LYRM4: variants seen among roughly 807,000 people sequenced by gnomAD.
LYRM4 encodes LYR motif containing 4.
Under a neutral mutation model 11.7 loss-of-function variants are expected in LYRM4, and 9 were observed. The ratio of observed to expected loss-of-function variants is 0.77; its 90% CI spans 0.46 to 1.34. LYRM4 has a LOEUF of 1.34. LYRM4 is among the 40% of genes most tolerant of loss of function. The pLI is 0.00. For missense variants in LYRM4, 133 were observed against 112.5 expected (o/e 1.18, Z -0.82); for synonymous variants, 42 against 40.4 (o/e 1.04, Z -0.15).
chr6:5,099,342 A>G (rs1296550012), downstream of LYRM4, among the ~76,000 whole-genome samples: 1 of 151,742 alleles, frequency 6.6e-6, no homozygotes, highest in Non-Finnish European at 1.5e-5. This position sits in a 1 kb window ranked among gnomAD's most constrained non-coding sequence, Gnocchi z 4.3. Context: ...AGCTGGGACC[A>G]CTATAGCACG....
intron 2 of LYRM4, among the ~76,000 whole-genome samples, chr6:5,190,617 T>C (rs1435569812): frequency 2.6e-5 from 4 of 152,028 alleles, no homozygotes; most frequent in African/African-American, 9.7e-5. Flanking sequence ...ATCCCATATA[T>C]GACAGCAGTC....
intron 2 of LYRM4, among the ~76,000 whole-genome samples, chr6:5,174,702 T>C (rs1294987699): frequency 6.6e-6 from 1 of 152,220 alleles, no homozygotes; most frequent in Admixed American, 6.5e-5. Context: ...TTTACACTTA[T>C]AATTGGTAAC....
chr6:5,101,968 C>CTTTTTTTTTTT (rs397826404), downstream of LYRM4, among the ~76,000 whole-genome samples: 1,032 of 67,874 alleles, frequency 0.015, 229 homozygotes, highest in Non-Finnish European at 0.025. Flanking sequence ...CTAATGCTTT[C>CTTTTTTTTTTT]TTTTTTTTTT....
the LYRM4 span, among the ~76,000 whole-genome samples, chr6:5,063,740 G>C: frequency 6.6e-6 from 1 of 152,150 alleles, no homozygotes; most frequent in African/African-American, 2.4e-5. Context: ...GCCATCTCCC[G>C]GGAGCAGACT....
At chr6:5,121,907 G>C (rs1467257618) in intron 2 of LYRM4, among the ~76,000 whole-genome samples, 1 of 152,232 alleles carries the variant, frequency 6.6e-6, no homozygotes, top group Non-Finnish European at 1.5e-5. Context: ...GTGTGCTGGG[G>C]AATGAGCAAG....
At chr6:5,138,487 C>CAAAAAAAAAAAAAA (rs765741377) in intron 2 of LYRM4, among the ~76,000 whole-genome samples, 20 of 49,684 alleles carry the variant, frequency 4.0e-4, no homozygotes, top group East Asian at 8.9e-4. Flanking sequence ...ACCCTGTCTC[C>CAAAAAAAAAAAAAA]AAAAAAAAAA....
chr6:5,241,285 T>C (rs910821081), intron 1 of LYRM4, among the ~76,000 whole-genome samples: 1 of 152,204 alleles, frequency 6.6e-6, no homozygotes, highest in African/African-American at 2.4e-5. Context: ...TATTAAAGTC[T>C]ATAACATACA....
chr6:5,136,203 G>T, intron 2 of LYRM4: 2 of 830,424 alleles, frequency 2.4e-6, no homozygotes, highest in Non-Finnish European at 2.9e-6. Context: ...ACACTGGTGG[G>T]CAAGTATCCT....
chr6:5,138,872 C>G, intron 2 of LYRM4: 1 of 621,366 alleles, frequency 1.6e-6, no homozygotes, highest in Non-Finnish European at 2.7e-6. Context: ...TGAGATTAAT[C>G]CTTTAGACAT....
At chr6:5,205,360 C>T (rs1200458545) in intron 2 of LYRM4, among the ~76,000 whole-genome samples, 1 of 151,902 alleles carries the variant, frequency 6.6e-6, no homozygotes, top group African/African-American at 2.4e-5. Flanking sequence ...CGGCATCCTG[C>T]AATCTGGCTG....
chr6:5,137,752 C>CA (rs1015241591), intron 2 of LYRM4, among the ~76,000 whole-genome samples: 14 of 152,180 alleles, frequency 9.2e-5, no homozygotes, highest in African/African-American at 3.4e-4. Flanking sequence ...GCCCTATTCT[C>CA]AAAGACAGGA....
At chr6:5,189,452 A>T (rs1365654048) in intron 2 of LYRM4, among the ~76,000 whole-genome samples, 6 of 152,158 alleles carry the variant, frequency 3.9e-5, no homozygotes, top group Non-Finnish European at 7.3e-5. Flanking sequence ...GTTAGTGCTT[A>T]GCCTAGGATT....
At chr6:5,081,515 C>G in the LYRM4 span, among the ~76,000 whole-genome samples, 1 of 152,170 alleles carries the variant, frequency 6.6e-6, no homozygotes, top group South Asian at 2.1e-4. Context: ...CATTCTCTAT[C>G]CCTGTTGCAG....
At position 5,108,769 on chromosome 6, in the gene LYRM4, T is replaced by C; in HGVS notation, c.*654A>G. Reference sequence around the variant, plus strand: ...GGCTTGAGCCTGCATTTCCAGCAAATTCCCAGGTGGGGCTGAGGTTGCTGA... The same window carrying C: ...GGCTTGAGCCTGCATTTCCAGCAAACTCCCAGGTGGGGCTGAGGTTGCTGA... On this transcript the variant is annotated 3_prime_UTR_variant, in exon 3 of 3. Transcript: ENST00000330636. The C allele has an allele frequency of 1.0e-6, 1 of 985,360 alleles. No individual in the cohort carries two copies. The highest frequency in any genetic ancestry group is 1.2e-6 in the Non-Finnish European group (1 of 829,496). The allele number at this position is 985,360 out of a possible 1,614,324, so 61.0% of individuals were successfully genotyped here. A position where few individuals can be genotyped will look rare whatever the true frequency, so the allele number is the denominator to read the frequency against.
chr6:5,259,175 C>A (rs888449678), intron 1 of LYRM4, among the ~76,000 whole-genome samples: 7 of 152,214 alleles, frequency 4.6e-5, no homozygotes, highest in Non-Finnish European at 7.3e-5. Context: ...GAACTGCCTG[C>A]TGATTCCAAG....
the LYRM4 span, chr6:5,085,879 G>T: frequency 6.5e-7 from 1 of 1,531,534 alleles, no homozygotes; most frequent in Admixed American, 2.0e-5. Flanking sequence ...CAAGAAGCGG[G>T]TGCAGTTCGC....
intron 2 of LYRM4, among the ~76,000 whole-genome samples, chr6:5,203,555 T>A (rs897858197): frequency 6.6e-6 from 1 of 152,228 alleles, no homozygotes; most frequent in East Asian, 1.9e-4. Context: ...GTTTAAAATA[T>A]GGAAGATTAC....
At chr6:5,181,767 C>G (rs1760090151) in intron 2 of LYRM4, among the ~76,000 whole-genome samples, 1 of 152,194 alleles carries the variant, frequency 6.6e-6, no homozygotes, top group African/African-American at 2.4e-5. Flanking sequence ...TCTTCTCTTT[C>G]TAGTCACTCC....
chr6:5,137,103 G>A (rs1757143629), intron 2 of LYRM4, among the ~76,000 whole-genome samples: 1 of 152,126 alleles, frequency 6.6e-6, no homozygotes, highest in Non-Finnish European at 1.5e-5. Flanking sequence ...GTGACTTTTT[G>A]TGTCTGGCTT....
Sources: gnomAD v4.1 joint callset for allele counts (sites outside exome capture counted in the v4.1 genomes callset) on GRCh38, gnomAD v4.1.1 for gene constraint, Gnocchi (gnomAD v3.1) non-coding constraint, MANE v1.5 for transcripts, NCBI Gene and HGNC (gene_info 2026-07-23, HGNC 2026-07-21) for gene names.